Variants in DNAJB11 observed in about 807,000 individuals in gnomAD.
The protein encoded by DNAJB11 is dnaJ homolog subfamily B member 11.
Under a neutral mutation model 47.2 loss-of-function variants are expected in DNAJB11, and 30 were observed. The ratio of observed to expected loss-of-function variants is 0.64; its 90% CI spans 0.48 to 0.86. The LOEUF (loss-of-function observed/expected upper bound fraction) is 0.86. Among genes scored for constraint, DNAJB11 ranks in the 40% least tolerant of loss-of-function variants. The pLI is 0.00. For synonymous variants in DNAJB11, 151 were observed against 159.9 expected (o/e 0.94, Z 0.42); for missense variants, 357 against 440.2 (o/e 0.81, Z 1.69).
Position 186,570,959 on chromosome 3 carries a change from T to C in DNAJB11, c.62T>C (p.Ile21Thr), listed in dbSNP as rs761152683. 2 of 1,536,926 alleles carry C rather than the reference T, an allele frequency of 1.3e-6. No homozygotes were observed. The highest frequency in any genetic ancestry group is 1.4e-5 in the African/African-American group (1 of 72,886). ...LLLLYLIGAVIAGRDFYKILG... is the reference protein window; with the variant it reads ...LLLLYLIGAVTAGRDFYKILG... ...CTGCTATACCTCATCGGGGCGGTGA[T>C]TGCCGGGTGAGGAACAGACACTCGC... The change falls in exon 1 of 10, where the codon ATT becomes ACT. Residue 21 changes from isoleucine to threonine, a missense_variant. Transcript: ENST00000265028.
At chr3:186,572,571 A>G (rs1715121141) in intron 2 of DNAJB11, among the ~76,000 whole-genome samples, 1 of 152,220 alleles carries the variant, frequency 6.6e-6, no homozygotes, top group Non-Finnish European at 1.5e-5. Context: ...TGAACTTATT[A>G]TAGATTAATA....
Position 186,570,840 on chromosome 3 carries a change from C to CGCG in DNAJB11, c.-50_-48dup, listed in dbSNP as rs1715015463. The CGCG allele has an allele frequency of 1.0e-5, 16 of 1,535,862 alleles. No homozygotes were observed. The highest frequency in any genetic ancestry group is 1.3e-5 in the Non-Finnish European group (15 of 1,132,140). On this transcript the variant is annotated 5_prime_UTR_variant, in exon 1 of 10. Coordinates refer to ENST00000265028, the MANE Select transcript of DNAJB11 (RefSeq NM_016306.6). The stretch of plus-strand genomic sequence containing the variant: ...AGGGCCGGGTGGGCTGGCGAGCCGA[C>CGCG]GCGGCGGCGGAGGAGGCTGTGAGGA...
At chr3:186,581,763 CT>C (rs1715493523) in intron 5 of DNAJB11, among the ~76,000 whole-genome samples, 1 of 151,866 alleles carries the variant, frequency 6.6e-6, no homozygotes, top group Non-Finnish European at 1.5e-5. Context: ...GCTTCATTTT[CT>C]TCCTTCTTGT....
chr3:186,571,294 A>G (rs1487800987), intron 1 of DNAJB11, among the ~76,000 whole-genome samples: 2 of 152,208 alleles, frequency 1.3e-5, no homozygotes, highest in Admixed American at 1.3e-4. Context: ...AGTGTCACGT[A>G]GAGCTGGGGA....
intron 1 of DNAJB11, 81 bp from the exon 2 acceptor site, chr3:186,572,014 G>T: frequency 7.8e-7 from 1 of 1,282,848 alleles, no homozygotes. Context: ...AAACCTAAAT[G>T]TAGAGGAAAA....
intron 2 of DNAJB11, among the ~76,000 whole-genome samples, chr3:186,573,753 A>T (rs369839036): frequency 1.3e-5 from 2 of 152,122 alleles, no homozygotes; most frequent in South Asian, 2.1e-4. Context: ...ATCCTAAATT[A>T]TATGTAATAT....
chr3:186,577,657 C>A lies in DNAJB11; in HGVS notation c.324-11C>A. The A allele has an allele frequency of 6.5e-7, 1 of 1,532,468 alleles. No homozygotes were observed. Among genetic ancestry groups the A allele is most frequent in the African/African-American group, 1.4e-5 (1 of 70,368 alleles). 94.9% of individuals were successfully genotyped at this position (1,532,468 alleles called of 1,614,324 possible). A position where few individuals can be genotyped will look rare whatever the true frequency, so the allele number is the denominator to read the frequency against. The stretch of plus-strand genomic sequence containing the variant: ...TTTTTTTTTTCCTGATGATTTTGCA[C>A]TTATCTTTAGCTTCTTTGGGGATTT... On this transcript the variant is annotated splice_polypyrimidine_tract_variant and intron_variant, in intron 3 of 9. Transcript: ENST00000265028.
At chr3:186,582,642 T>G (rs1715524882) in intron 6 of DNAJB11, 74 bp from the exon 7 acceptor site, 9 of 1,251,586 alleles carry the variant, frequency 7.2e-6, no homozygotes, top group South Asian at 5.1e-5. Context: ...ATTAAAAAAA[T>G]GTATCAGTTG....
At chr3:186,581,348 G>A in intron 4 of DNAJB11, 23 bp from the exon 5 acceptor site, 1 of 1,612,716 alleles carries the variant, frequency 6.2e-7, no homozygotes, top group Non-Finnish European at 8.5e-7. Context: ...GAGAGAAGCT[G>A]ATGTTGTTTA....
intron 2 of DNAJB11, 71 bp from the exon 3 acceptor site, chr3:186,575,769 A>G (rs1336146328): frequency 4.9e-6 from 6 of 1,233,602 alleles, no homozygotes; most frequent in Admixed American, 2.0e-5. Flanking sequence ...AAAAACAAAC[A>G]TAAATATGAC....
At position 186,570,834 on chromosome 3, in the gene DNAJB11, A is replaced by C; in HGVS notation, c.-64A>C. 2.6e-6 allele frequency: 4 copies of C among 1,518,204 alleles called. No homozygotes were observed. Among genetic ancestry groups the C allele is most frequent in the Non-Finnish European group, 3.6e-6 (4 of 1,117,750 alleles). 94.0% of individuals were successfully genotyped at this position (1,518,204 alleles called of 1,614,324 possible). A position where few individuals can be genotyped will look rare whatever the true frequency, so the allele number is the denominator to read the frequency against. The stretch of plus-strand genomic sequence containing the variant: ...CCTCACAGGGCCGGGTGGGCTGGCG[A>C]GCCGACGCGGCGGCGGAGGAGGCTG... On this transcript the variant is annotated 5_prime_UTR_variant, in exon 1 of 10. Transcript: ENST00000265028.
chr3:186,577,096 A>G (rs181515028), intron 3 of DNAJB11, among the ~76,000 whole-genome samples: 1 of 152,310 alleles, frequency 6.6e-6, no homozygotes, highest in African/African-American at 2.4e-5. Context: ...CTTCTCCTTA[A>G]GCACTAGGAT....
intron 3 of DNAJB11, among the ~76,000 whole-genome samples, chr3:186,576,443 C>T (rs2108478306): frequency 6.6e-6 from 1 of 152,282 alleles, no homozygotes; most frequent in East Asian, 1.9e-4. Context: ...ACACTTTCTT[C>T]CTCACTCTTT....
At position 186,583,970 on chromosome 3, in the gene DNAJB11, T is replaced by G. The variant is rs1419424930; in HGVS notation, c.846T>G (p.Gly282=). ...GFEMDITHLD[G]HKVHISRDKI... ...AGATGGATATTACTCACTTGGATGGTCACAAGGTAAACAAACCAATTTACT... is the reference window on the plus strand; with the variant it reads ...AGATGGATATTACTCACTTGGATGGGCACAAGGTAAACAAACCAATTTACT... Residue 282 remains glycine, a synonymous_variant, in exon 8 of 10, where the codon GGT becomes GGG. Coordinates refer to ENST00000265028, the MANE Select transcript of DNAJB11 (RefSeq NM_016306.6). 2 of 1,610,628 alleles carry G rather than the reference T, an allele frequency of 1.2e-6. No individual in the cohort carries two copies. The highest frequency in any genetic ancestry group is 1.7e-6 in the Non-Finnish European group (2 of 1,177,050).
chr3:186,576,625 C>T (rs1265451717), intron 3 of DNAJB11, among the ~76,000 whole-genome samples: 1 of 152,094 alleles, frequency 6.6e-6, no homozygotes, highest in African/African-American at 2.4e-5. Context: ...GTTCTGTGAA[C>T]CCTTCCCCAA....
chr3:186,581,124 T>C, intron 4 of DNAJB11: 2 of 414,246 alleles, frequency 4.8e-6, no homozygotes. Context: ...GTTCTCTTGT[T>C]TCTTACTCCC....
Position 186,570,869 on chromosome 3 carries a change from T to A in DNAJB11, c.-29T>A. 6.3e-7 allele frequency: 1 copy of A among 1,593,642 alleles called. No individual in the cohort carries two copies. Among genetic ancestry groups the A allele is most frequent in the Non-Finnish European group, 8.5e-7 (1 of 1,169,832 alleles). Reference sequence around the variant, plus strand: ...GCGGCGGAGGAGGCTGTGAGGAGTGTGTGGAACAGGACCCGGGACAGAGGA... The same window carrying A: ...GCGGCGGAGGAGGCTGTGAGGAGTGAGTGGAACAGGACCCGGGACAGAGGA... On this transcript the variant is annotated 5_prime_UTR_variant, in exon 1 of 10. Coordinates refer to ENST00000265028, the MANE Select transcript of DNAJB11 (RefSeq NM_016306.6).
Position 186,570,781 on chromosome 3 carries a change from AC to A in DNAJB11, c.-112del, listed in dbSNP as rs1036531268. The stretch of plus-strand genomic sequence containing the variant: ...CTAGCTGTCTCTGCGGACCAAGGAG[AC>A]CCCCGCGCCCCCCCGGTGTGAGGCG... On this transcript the variant is annotated 5_prime_UTR_variant, in exon 1 of 10. Transcript: ENST00000265028. 22 of 894,476 alleles carry A rather than the reference AC, an allele frequency of 2.5e-5. No homozygotes were observed. The African/African-American group carries it at 3.0e-4, about 12-fold the overall frequency. 55.4% of individuals were successfully genotyped at this position (894,476 alleles called of 1,614,324 possible).
chr3:186,583,495 T>G (rs921133201), intron 7 of DNAJB11, among the ~76,000 whole-genome samples: 3 of 152,206 alleles, frequency 2.0e-5, no homozygotes, highest in African/African-American at 7.2e-5. Flanking sequence ...TCTCACTCTA[T>G]TTCCCCTTCC....
Sources: gnomAD v4.1 joint callset for allele counts (sites outside exome capture counted in the v4.1 genomes callset) on GRCh38, gnomAD v4.1.1 for gene constraint, MANE v1.5 for transcripts, NCBI Gene and HGNC (gene_info 2026-07-23, HGNC 2026-07-21) for gene names.